The following RWDD3 variants were observed in gnomAD, a reference collection of about 807,000 sequenced individuals.
RWDD3 encodes the protein RWD domain-containing protein 3.
A neutral mutation model predicts 26.5 loss-of-function variants in RWDD3; 30 were observed. The ratio of observed to expected loss-of-function variants is 1.13; its 90% CI spans 0.85 to 1.54. The LOEUF (loss-of-function observed/expected upper bound fraction) is 1.54, where lower values mean the gene tolerates loss of function less well. Ranked by LOEUF, RWDD3 falls within the 40% of genes most tolerant of loss-of-function variation. The pLI is 0.00. For missense variants in RWDD3, 296 were observed against 309.1 expected (o/e 0.96, Z 0.32); for synonymous variants, 113 against 114.5 (o/e 0.99, Z 0.09).
intron 1 of RWDD3, among the ~76,000 whole-genome samples, chr1:95,241,118 C>G (rs1269712551): frequency 1.3e-5 from 2 of 151,832 alleles, no homozygotes; most frequent in East Asian, 3.9e-4. Flanking sequence ...GAGGAAGACA[C>G]TTCTTTCTCA....
rs764910902 is a variant in RWDD3 at position 95,234,246 on chromosome 1, C to T, written c.16C>T (p.Gln6Ter). 4.0e-5 allele frequency: 64 copies of T among 1,593,570 alleles called. 1 individual carries two copies. The East Asian group carries it at 1.3e-3, about 33-fold the overall frequency. Residue 6 changes from glutamine (Q) to a stop codon, truncating the protein, a stop_gained, in exon 1 of 4, where the codon CAG becomes TAG. Coordinates refer to ENST00000370202, the MANE Select transcript of RWDD3 (RefSeq NM_015485.5). LOFTEE classifies it high-confidence loss of function. ...GCCCACAGCCATGGCGGAGCCTGTGCAGGAGGAGCTCTCGGTCCTGGCCGC... is the reference window on the plus strand; with the variant it reads ...GCCCACAGCCATGGCGGAGCCTGTGTAGGAGGAGCTCTCGGTCCTGGCCGC... The part of the protein sequence containing the change: MAEPV[Q>*]EELSVLAAIF...
chr1:95,240,294 T>A (rs538157098), intron 1 of RWDD3, among the ~76,000 whole-genome samples: 1 of 152,228 alleles, frequency 6.6e-6, no homozygotes, highest in Non-Finnish European at 1.5e-5. Context: ...TTCCAAGAGC[T>A]GTATGACTGT....
Position 95,234,293 on chromosome 1 carries a change from G to C in RWDD3, c.63G>C (p.Glu21Asp). 1 of 1,597,938 alleles carries C rather than the reference G, an allele frequency of 6.3e-7. No homozygotes were observed. Among genetic ancestry groups the C allele is most frequent in the Non-Finnish European group, 8.5e-7 (1 of 1,172,632 alleles). The part of the protein sequence containing the change: ...VLAAIFCRPH[E>D]WEVLSRSETD... ...CCGCGATTTTCTGCAGGCCCCACGAGTGGGAGGTGCTGAGCCGCTCAGGTG... is the reference window on the plus strand; with the variant it reads ...CCGCGATTTTCTGCAGGCCCCACGACTGGGAGGTGCTGAGCCGCTCAGGTG... Residue 21 changes from glutamate (E) to aspartate (D), a missense_variant, in exon 1 of 4, where the codon GAG becomes GAC. By Grantham distance (45) the Glu-to-Asp change is conservative. Transcript: ENST00000370202.
Position 95,244,300 on chromosome 1 carries a change from G to C in RWDD3, c.175G>C (p.Val59Leu). ...TCTGGAATTGGTGTTCCATTTGCCA[G>C]TCAATTATCCTTCATGTCTACCTGG... ...IPLELVFHLP[V>L]NYPSCLPGIS... is the part of the protein sequence containing the mutation. The change falls in exon 2 of 4, where the codon GTC (valine) becomes CTC (leucine). Residue 59 changes from valine (V) to leucine (L), a missense_variant. Coordinates refer to ENST00000370202, the MANE Select transcript of RWDD3 (RefSeq NM_015485.5). 1 of 1,614,202 alleles carries C rather than the reference G, an allele frequency of 6.2e-7. No individual in the cohort carries two copies. Among genetic ancestry groups the C allele is most frequent in the Middle Eastern group, 1.6e-4 (1 of 6,062 alleles).
At chr1:95,234,982 T>TC (rs1680242467) in intron 1 of RWDD3, among the ~76,000 whole-genome samples, 1 of 152,002 alleles carries the variant, frequency 6.6e-6, no homozygotes, top group South Asian at 2.1e-4. Context: ...AGCCTCCGCC[T>TC]CCCGAGTAGC....
chr1:95,244,749 A>G, intron 2 of RWDD3, 51 bp downstream of exon 2: 1 of 1,577,316 alleles, frequency 6.3e-7, no homozygotes, highest in East Asian at 2.2e-5. Context: ...TCTGCTTTAA[A>G]TGGTGTGTCT....
intron 1 of RWDD3, among the ~76,000 whole-genome samples, chr1:95,234,732 C>A (rs1056066067): frequency 2.6e-5 from 4 of 151,922 alleles, no homozygotes; most frequent in Admixed American, 6.6e-5. Flanking sequence ...TAACTCTACA[C>A]GGGTATTTGT....
At chr1:95,235,331 C>G (rs1388764795) in intron 1 of RWDD3, among the ~76,000 whole-genome samples, 6 of 131,108 alleles carry the variant, frequency 4.6e-5, no homozygotes, top group African/African-American at 1.7e-4. Context: ...GGATTACAGG[C>G]GTGAGCCACT....
intron 1 of RWDD3, among the ~76,000 whole-genome samples, chr1:95,235,576 T>C (rs564677709): frequency 1.3e-5 from 2 of 151,592 alleles, no homozygotes; most frequent in East Asian, 2.0e-4. Context: ...GCCAGGCTGG[T>C]CTCAATCTCC....
intron 1 of RWDD3, among the ~76,000 whole-genome samples, chr1:95,241,819 A>G (rs1680638210): frequency 1.3e-5 from 2 of 152,220 alleles, no homozygotes; most frequent in South Asian, 4.1e-4. Context: ...GACAAGGGTC[A>G]TGAGTAAACA....
chr1:95,244,116 A>G (rs576945522), intron 1 of RWDD3, 95 bp from the exon 2 acceptor site: 1 of 1,510,880 alleles, frequency 6.6e-7, no homozygotes, highest in East Asian at 2.3e-5. Flanking sequence ...TCTCATGAAA[A>G]ATAAATTGAC....
At chr1:95,235,637 C>T (rs71654426) in intron 1 of RWDD3, among the ~76,000 whole-genome samples, 1 of 152,030 alleles carries the variant, frequency 6.6e-6, no homozygotes, top group South Asian at 2.1e-4. Context: ...GGATTACAGG[C>T]GTGAGCCACA....
intron 1 of RWDD3, chr1:95,237,485 T>G (rs1265808381): frequency 1.3e-5 from 2 of 152,170 alleles, no homozygotes; most frequent in African/African-American, 4.8e-5. Flanking sequence ...GCTAAATAAT[T>G]GGATTCCATT....
chr1:95,234,803 A>C (rs1032700219), intron 1 of RWDD3, among the ~76,000 whole-genome samples: 1 of 152,044 alleles, frequency 6.6e-6, no homozygotes, highest in Non-Finnish European at 1.5e-5. Flanking sequence ...CCTGGTAGGT[A>C]GTAGGTAAAT....
Position 95,246,625 on chromosome 1 carries a change from G to T in RWDD3, c.657G>T (p.Leu219=). 6.2e-7 allele frequency: 1 copy of T among 1,611,140 alleles called. No homozygotes were observed. The highest frequency in any genetic ancestry group is 8.5e-7 in the Non-Finnish European group (1 of 1,177,898). Residue 219 remains leucine, a synonymous_variant, in exon 3 of 4, where the codon CTG becomes CTT. Coordinates refer to ENST00000370202, the MANE Select transcript of RWDD3 (RefSeq NM_015485.5). Reference sequence around the variant, plus strand: ...GCAAAGAGAAAATGATTAGTGTACTGTTTGAAACAAAAGTACAGACAGAAC... The same window carrying T: ...GCAAAGAGAAAATGATTAGTGTACTTTTTGAAACAAAAGTACAGACAGAAC... ...KKCKEKMISV[L]FETKVQTEHK... is the part of the protein sequence containing the mutation.
At chr1:95,242,111 T>C (rs1193885248) in intron 1 of RWDD3, among the ~76,000 whole-genome samples, 3 of 152,220 alleles carry the variant, frequency 2.0e-5, no homozygotes, top group Non-Finnish European at 4.4e-5. Context: ...TTTACAATTT[T>C]TCCTCTGCAG....
At chr1:95,238,976 A>G (rs994934680) in intron 1 of RWDD3, among the ~76,000 whole-genome samples, 18 of 152,352 alleles carry the variant, frequency 1.2e-4, no homozygotes, top group Middle Eastern at 3.4e-3. Flanking sequence ...TACACTTACT[A>G]TAAGACAGAA....
intron 2 of RWDD3, among the ~76,000 whole-genome samples, chr1:95,245,824 A>C (rs1199997368): frequency 6.6e-6 from 1 of 152,166 alleles, no homozygotes; most frequent in East Asian, 1.9e-4. Context: ...ATTAGGCTAA[A>C]CCCAGCTGTT....
chr1:95,244,535 A>G lies in RWDD3; in HGVS notation c.410A>G (p.Asp137Gly). Residue 137 changes from aspartate (D) to glycine (G), a missense_variant, in exon 2 of 4, where the codon GAT (aspartate) becomes GGT (glycine). By Grantham distance (94) the Asp-to-Gly change is moderately conservative (BLOSUM62 -1). Coordinates refer to ENST00000370202, the MANE Select transcript of RWDD3 (RefSeq NM_015485.5). The part of the protein sequence containing the change: ...CTFSTSTTMD[D>G]GLWITLLHLD... ...TTTTCAACAAGCACGACCATGGATG[A>G]TGGATTGTGGATAACTCTTTTGCAT... is the stretch of plus-strand genomic sequence containing the variant. 6.2e-7 allele frequency: 1 copy of G among 1,614,198 alleles called. No individual in the cohort carries two copies.
Sources: allele counts gnomAD v4.1 joint callset (sites outside exome capture counted in the v4.1 genomes callset), GRCh38; gene constraint gnomAD v4.1.1; transcripts MANE v1.5; gene names NCBI Gene and HGNC (gene_info 2026-07-23, HGNC 2026-07-21).